The following PRKCA variants were observed in gnomAD, a reference collection of about 807,000 sequenced individuals.
PRKCA encodes the protein protein kinase C alpha.
PRKCA carries 27 observed loss-of-function variants against 87.0 expected under a neutral mutation model. The ratio of observed to expected loss-of-function variants is 0.31; its 90% CI spans 0.23 to 0.43. The LOEUF is 0.43. PRKCA is among the 20% of genes least tolerant of loss of function. PRKCA has a pLI of 1.00. For missense variants in PRKCA, 518 were observed against 852.3 expected, an observed-to-expected ratio of 0.61 and a Z score of 4.88; for synonymous variants, 329 against 311.1, an observed-to-expected ratio of 1.06 and a Z score of -0.61.
At chr17:66,419,207 T>C (rs559905591) in intron 2 of PRKCA, among the ~76,000 whole-genome samples, 1 of 152,312 alleles carries the variant, frequency 6.6e-6, no homozygotes, top group East Asian at 1.9e-4. Context: ...TAGGCAGTCA[T>C]GTGCTCAACA....
At chr17:66,437,930 C>T (rs959778616) in intron 2 of PRKCA, among the ~76,000 whole-genome samples, 4 of 151,642 alleles carry the variant, frequency 2.6e-5, no homozygotes, top group African/African-American at 9.7e-5. Context: ...TATTTGGATA[C>T]CAGGAGTAAA....
intron 3 of PRKCA, among the ~76,000 whole-genome samples, chr17:66,515,128 C>T (rs535785330): frequency 2.9e-4 from 44 of 152,056 alleles, no homozygotes; most frequent in Admixed American, 3.3e-4. Flanking sequence ...TGGTGGCCTG[C>T]GCCTCTAGTC....
At chr17:66,719,762 G>T (rs546677762) in intron 8 of PRKCA, among the ~76,000 whole-genome samples, 95 of 152,182 alleles carry the variant, frequency 6.2e-4, no homozygotes, top group Admixed American at 1.8e-3. Context: ...GCGAGACTCC[G>T]TCTCAAAAAT....
intron 14 of PRKCA, chr17:66,777,829 C>T: frequency 1.0e-6 from 1 of 985,406 alleles, no homozygotes. Flanking sequence ...TCTTGGCCAG[C>T]AGGAGACAAG....
At chr17:66,577,234 G>T (rs896558641) in intron 3 of PRKCA, among the ~76,000 whole-genome samples, 1 of 152,136 alleles carries the variant, frequency 6.6e-6, no homozygotes, top group African/African-American at 2.4e-5. Flanking sequence ...AGGCTTGTGG[G>T]CTAGGGAGCA....
intron 2 of PRKCA, among the ~76,000 whole-genome samples, chr17:66,438,647 A>G (rs75015772): frequency 0.065 from 9,840 of 152,218 alleles, 452 homozygotes; most frequent in African/African-American, 0.12. Context: ...TACTTTATAA[A>G]GGAAAGAGGT....
At chr17:66,421,047 C>T (rs952677901) in intron 2 of PRKCA, among the ~76,000 whole-genome samples, 14 of 152,212 alleles carry the variant, frequency 9.2e-5, no homozygotes, top group Admixed American at 6.5e-4. Flanking sequence ...TGTCTGGTGA[C>T]GGAGTCCAAG....
At chr17:66,427,848 C>T (rs774796227) in intron 2 of PRKCA, among the ~76,000 whole-genome samples, 2 of 152,134 alleles carry the variant, frequency 1.3e-5, no homozygotes, top group African/African-American at 4.8e-5. Context: ...TCAGATATTT[C>T]ACCTGAGAAC....
At chr17:66,568,806 A>G (rs1968976741) in intron 3 of PRKCA, among the ~76,000 whole-genome samples, 1 of 152,196 alleles carries the variant, frequency 6.6e-6, no homozygotes, top group African/African-American at 2.4e-5. Flanking sequence ...AAAGCCTTTC[A>G]TCTTTGGACT....
intron 2 of PRKCA, among the ~76,000 whole-genome samples, chr17:66,388,557 G>C (rs940409435): frequency 6.6e-6 from 1 of 152,108 alleles, no homozygotes; most frequent in Non-Finnish European, 1.5e-5. Context: ...GCCTCCCAAA[G>C]TGCTTAGGAT....
intron 7 of PRKCA, among the ~76,000 whole-genome samples, chr17:66,688,670 G>T (rs545793906): frequency 6.6e-6 from 1 of 152,036 alleles, no homozygotes; most frequent in South Asian, 2.1e-4. Flanking sequence ...AGGTGTGGTG[G>T]TGTACCCCTG....
In PRKCA at chr17:66,713,021, G is replaced by A. The variant is rs563566498; in HGVS notation, c.919-19667G>A. Reference sequence around the variant, plus strand: ...CATTGCTGGTTTCCAAGAAGCCATTGCCAAGTTAAAGTGAACCCTTTGTTG... The same window carrying A: ...CATTGCTGGTTTCCAAGAAGCCATTACCAAGTTAAAGTGAACCCTTTGTTG... On this transcript the variant is annotated intron_variant, in intron 8 of 16. Transcript: ENST00000413366. Among the ~76,000 whole-genome samples the A allele has an allele frequency of 2.3e-4, 35 of 149,130 alleles. No individual in the cohort carries two copies. In the South Asian group the frequency reaches 4.9e-3, roughly 21 times the overall value.
intron 3 of PRKCA, among the ~76,000 whole-genome samples, chr17:66,587,865 A>ATGTGTG (rs763898815): frequency 4.6e-4 from 26 of 56,516 alleles, no homozygotes; most frequent in African/African-American, 1.2e-3. Context: ...ATATATACAT[A>ATGTGTG]TGTATGTGTG....
intron 13 of PRKCA, among the ~76,000 whole-genome samples, chr17:66,760,637 G>A (rs1046304641): frequency 1.3e-5 from 2 of 152,176 alleles, no homozygotes; most frequent in Admixed American, 6.5e-5. Flanking sequence ...AAATTGATAA[G>A]CCTCAAGTCA....
At chr17:66,329,215 A>T (rs922712887) in intron 2 of PRKCA, among the ~76,000 whole-genome samples, 6 of 152,310 alleles carry the variant, frequency 3.9e-5, no homozygotes, top group Admixed American at 6.5e-5. Context: ...TGGAGGTAGA[A>T]GGGAGAGGAG....
intron 2 of PRKCA, among the ~76,000 whole-genome samples, chr17:66,328,288 C>G (rs984267580): frequency 1.3e-5 from 2 of 152,006 alleles, no homozygotes; most frequent in African/African-American, 4.8e-5. Context: ...CCTGGCCGGT[C>G]TTGAACTCCT....
At chr17:66,607,519 A>G (rs1035016512) in intron 3 of PRKCA, among the ~76,000 whole-genome samples, 4 of 152,354 alleles carry the variant, frequency 2.6e-5, no homozygotes, top group African/African-American at 9.6e-5. Context: ...TCCAGTTTAG[A>G]AAATACCACC....
chr17:66,306,294 T>C (rs1598578769), intron 2 of PRKCA, 167 bp downstream of exon 2: 1 of 579,812 alleles, frequency 1.7e-6, no homozygotes, highest in Non-Finnish European at 2.9e-6. Flanking sequence ...TGGGGCCTAC[T>C]AATCTGCATA....
chr17:66,671,455 G>A (rs991798139), intron 5 of PRKCA, among the ~76,000 whole-genome samples: 4 of 152,064 alleles, frequency 2.6e-5, no homozygotes, highest in Non-Finnish European at 2.9e-5. Context: ...ATACCAAGTA[G>A]GGTTATTGCG....
Sources: allele counts gnomAD v4.1 joint callset (sites outside exome capture counted in the v4.1 genomes callset), GRCh38; gene constraint gnomAD v4.1.1; transcripts MANE v1.5; gene names NCBI Gene and HGNC (gene_info 2026-07-23, HGNC 2026-07-21).